MYRF: variants seen among roughly 807,000 people sequenced by gnomAD.
MYRF encodes the protein myelin gene regulatory factor.
MYRF carries 16 observed loss-of-function variants against 126.3 expected under a neutral mutation model. The ratio of observed to expected loss-of-function variants is 0.13; its 90% confidence interval spans 0.09 to 0.19. The LOEUF (loss-of-function observed/expected upper bound fraction) is 0.19. Ranked by LOEUF, MYRF falls within the 10% of genes least tolerant of loss-of-function variation. The pLI is 1.00. For missense variants in MYRF, 1,104 were observed against 1,547.0 expected (o/e 0.71, Z 4.80); for synonymous variants, 608 against 635.3 (o/e 0.96, Z 0.65).
intron 1 of MYRF, among the ~76,000 whole-genome samples, chr11:61,761,220 C>T (rs982640094): frequency 9.6e-5 from 13 of 135,942 alleles, no homozygotes; most frequent in Admixed American, 3.2e-4. Flanking sequence ...CCCCGTTCCC[C>T]GGGACAATGG....
chr11:61,770,140 T>A (rs1381304426), intron 4 of MYRF, 106 bp from the exon 5 acceptor site: 8 of 1,181,452 alleles, frequency 6.8e-6, no homozygotes, highest in Non-Finnish European at 9.1e-6. Flanking sequence ...CCCCCGGGCT[T>A]GGCTCAGGAC....
chr11:61,769,232 C>T, intron 3 of MYRF, 28 bp from the exon 4 acceptor site: 15 of 1,481,246 alleles, frequency 1.0e-5, no homozygotes, highest in Non-Finnish European at 1.4e-5. Context: ...GCTGCTCACC[C>T]CCCGGCCCCT....
Position 61,783,481 on chromosome 11 carries a change from T to G in MYRF, c.3017-17T>G, listed in dbSNP as rs1247179569. ...TCATTTGTGTCCTGCCTTGTCACCT[T>G]ACTCCTGCCCCAACAGCCTCTCTCC... is the stretch of plus-strand genomic sequence containing the variant. On this transcript the variant is annotated splice_polypyrimidine_tract_variant and intron_variant, in intron 22 of 26. Transcript: ENST00000278836. This position sits in a 1 kb window ranked among gnomAD's most constrained non-coding sequence, Gnocchi z 4.6. The G allele has an allele frequency of 6.2e-7, 1 of 1,604,770 alleles. No individual in the cohort carries two copies.
In MYRF at chr11:61,781,055, T is replaced by G; in HGVS notation, c.2572+10T>G. The G allele has an allele frequency of 6.2e-7, 1 of 1,609,936 alleles. No homozygotes were observed. ...CCCTCTTTGCTGCTGGGTGCGTGTC[T>G]GGGCAGGTCTGGGTAGGACAGGGAG... On this transcript the variant is annotated intron_variant, in intron 20 of 26. Transcript: ENST00000278836.
Position 61,752,730 on chromosome 11 carries a change from C to T in MYRF, c.-15C>T. ...AGCGGGGCCGCGGCTGGAGTGTGCG[C>T]CGGGCAGGCGGGACATGGAGGTGGT... On this transcript the variant is annotated 5_prime_UTR_variant, in exon 1 of 27. Coordinates refer to ENST00000278836, the MANE Select transcript of MYRF (RefSeq NM_001127392.3). 3 of 1,449,280 alleles carry T rather than the reference C, an allele frequency of 2.1e-6. No homozygotes were observed. The highest frequency in any genetic ancestry group is 2.7e-6 in the Non-Finnish European group (3 of 1,106,028). 89.8% of individuals were successfully genotyped at this position (1,449,280 alleles called of 1,614,324 possible).
intron 25 of MYRF, chr11:61,784,605 G>C: frequency 3.6e-6 from 2 of 550,612 alleles, no homozygotes; most frequent in Non-Finnish European, 6.5e-6. Context: ...GCCCTGCCGT[G>C]CTGGAGACGT....
At position 61,781,708 on chromosome 11, in the gene MYRF, G is replaced by C. The variant is rs780295176; in HGVS notation, c.2900G>C (p.Gly967Ala). The change falls in exon 22 of 27, where the codon GGG becomes GCG. Residue 967 changes from glycine (G) to alanine (A), a missense_variant. Physicochemically the swap from Gly to Ala is moderately conservative, Grantham distance 60. Coordinates refer to ENST00000278836, the MANE Select transcript of MYRF (RefSeq NM_001127392.3). ...GCCAGCCCTGCAGTCCCCTTCCCTG[G>C]GGGGCAGGGCAAAGCCAAGAACAGT... is the stretch of plus-strand genomic sequence containing the variant. ...PLASPAVPFP[G>A]GQGKAKNSPS... 1.5e-5 allele frequency: 24 copies of C among 1,613,358 alleles called. No homozygotes were observed. The African/African-American group carries it at 1.9e-4, about 13-fold the overall frequency.
chr11:61,779,316 A>G lies in MYRF; in HGVS notation c.2067A>G (p.Thr689=). 1 of 1,550,450 alleles carries G rather than the reference A, an allele frequency of 6.4e-7. No homozygotes were observed. The highest frequency in any genetic ancestry group is 1.7e-4 in the Middle Eastern group (1 of 5,992). ...VGAVKELCKL[T]DNLETRIDEL... Reference sequence around the variant, plus strand: ...CCGTGAAGGAGCTGTGCAAGCTGACAGACAACCTGGAGACGCGCATTGATG... The same window carrying G: ...CCGTGAAGGAGCTGTGCAAGCTGACGGACAACCTGGAGACGCGCATTGATG... The change falls in exon 15 of 27, where the codon ACA becomes ACG. Residue 689 remains threonine, a synonymous_variant. Transcript: ENST00000278836.
chr11:61,771,989 C>A (rs1214472866), intron 7 of MYRF, 37 bp downstream of exon 7: 1 of 1,610,674 alleles, frequency 6.2e-7, no homozygotes, highest in Admixed American at 1.7e-5. Flanking sequence ...CCTCCAGGCC[C>A]CCCCACCTTG....
chr11:61,764,709 C>G (rs981343069), intron 1 of MYRF, among the ~76,000 whole-genome samples: 1 of 152,176 alleles, frequency 6.6e-6, no homozygotes, highest in Non-Finnish European at 1.5e-5. Flanking sequence ...CAAGGTGACC[C>G]TGGGAGGGGA....
chr11:61,779,039 T>C, intron 14 of MYRF: 1 of 658,732 alleles, frequency 1.5e-6, no homozygotes, highest in Non-Finnish European at 2.8e-6. Flanking sequence ...ACAGCCCAGG[T>C]GAAGGTGCAG....
rs1057318608 is a variant in MYRF at position 61,786,991 on chromosome 11, C to A, written c.*848C>A. 5 of 152,694 alleles carry A rather than the reference C, an allele frequency of 3.3e-5. No individual in the cohort carries two copies. Among genetic ancestry groups the A allele is most frequent in the Non-Finnish European group, 7.3e-5 (5 of 68,052 alleles). The allele number at this position is 152,694 out of a possible 1,614,324, so 9.5% of individuals were successfully genotyped here. ...CCCAGATGGTATTGCAGCTTCACTGCCTGCGTTCCTGGGAGCGTCTGGAGC... is the reference window on the plus strand; with the variant it reads ...CCCAGATGGTATTGCAGCTTCACTGACTGCGTTCCTGGGAGCGTCTGGAGC... On this transcript the variant is annotated 3_prime_UTR_variant, in exon 27 of 27. Transcript: ENST00000278836. This position sits in a 1 kb window ranked among gnomAD's most constrained non-coding sequence, Gnocchi z 4.5.
At chr11:61,774,407 T>G (rs766884723) in intron 8 of MYRF, among the ~76,000 whole-genome samples, 2 of 151,522 alleles carry the variant, frequency 1.3e-5, no homozygotes, top group Non-Finnish European at 2.9e-5. Context: ...TAATCTCAGC[T>G]ACTTGGGAAG....
rs1299300154 is a variant in MYRF at position 61,755,277 on chromosome 11, A to G, written c.46+2487A>G. ...TGGGCTGGGGGCTAAGGCGCTTTGG[A>G]CCTCAGGTGGGAGGCCGGGACAGAG... On this transcript the variant is annotated intron_variant, in intron 1 of 26. Coordinates refer to ENST00000278836, the MANE Select transcript of MYRF (RefSeq NM_001127392.3). The G allele has an allele frequency of 7.3e-6, 9 of 1,234,958 alleles. No homozygotes were observed. In the East Asian group the frequency reaches 2.0e-4, roughly 28 times the overall value. The allele number at this position is 1,234,958 out of a possible 1,614,324, so 76.5% of individuals were successfully genotyped here.
rs567047983 is a variant in MYRF, at chr11:61,766,167, C to T, written c.344C>T (p.Pro115Leu). The change falls in exon 3 of 27, where the codon CCG becomes CTG. Residue 115 changes from proline (P) to leucine (L), a missense_variant. By Grantham distance (98) the Pro-to-Leu change is moderately conservative (BLOSUM62 -3). Transcript: ENST00000278836. ...NGMGAAPKPFPGGTGPPIKAE... is the reference protein window; with the variant it reads ...NGMGAAPKPFLGGTGPPIKAE... ...ATGGGCGCTGCCCCCAAGCCCTTCC[C>T]GGGGGGCACCGGGCCCCCCATCAAG... 5.1e-5 allele frequency: 83 copies of T among 1,611,772 alleles called. No homozygotes were observed. The highest frequency in any genetic ancestry group is 9.3e-5 in the African/African-American group (7 of 75,060).
At position 61,776,892 on chromosome 11, in the gene MYRF, C is replaced by T. The variant is rs758657510; in HGVS notation, c.1590+15C>T. On this transcript the variant is annotated intron_variant, in intron 11 of 26. Coordinates refer to ENST00000278836, the MANE Select transcript of MYRF (RefSeq NM_001127392.3). This position sits in a 1 kb window ranked among gnomAD's most constrained non-coding sequence, Gnocchi z 4.3. ...TCATTGTGCGGGTGAGGGCCACCTC[C>T]TCCCAGGGCGTAGACAGCCCTCCCC... The T allele has an allele frequency of 6.3e-7, 1 of 1,584,384 alleles. No homozygotes were observed. The highest frequency in any genetic ancestry group is 1.2e-5 in the South Asian group (1 of 86,802).
In MYRF at chr11:61,777,413, G is replaced by A. The variant is rs776423987; in HGVS notation, c.1740G>A (p.Met580Ile). 6.2e-7 allele frequency: 1 copy of A among 1,613,846 alleles called. No individual in the cohort carries two copies. The highest frequency in any genetic ancestry group is 1.7e-5 in the Admixed American group (1 of 60,006). ...TTGTGCACGGGAATGTCAAGGTCAT[G>A]GGCTCGCTTATGCACCCCTCCGACC... is the stretch of plus-strand genomic sequence containing the variant. The part of the protein sequence containing the change: ...ALVVHGNVKV[M>I]GSLMHPSDLR... Residue 580 changes from methionine to isoleucine, a missense_variant, in exon 12 of 27, where the codon ATG becomes ATA. By Grantham distance (10) the Met-to-Ile change is conservative (BLOSUM62 1). Around this residue, in one of 10 missense-constraint regions of MYRF, gnomAD observed 123 missense variants for 209.1 expected, o/e 0.59. Coordinates refer to ENST00000278836, the MANE Select transcript of MYRF (RefSeq NM_001127392.3). This position sits in a 1 kb window ranked among gnomAD's most constrained non-coding sequence, Gnocchi z 8.8.
At chr11:61,761,248 G>GC (rs1185305327) in intron 1 of MYRF, among the ~76,000 whole-genome samples, 1 of 124,322 alleles carries the variant, frequency 8.0e-6, no homozygotes, top group Admixed American at 9.0e-5. Flanking sequence ...TCAGCCAACG[G>GC]CCACAGCTGG....
At chr11:61,784,463 C>G in intron 25 of MYRF, 78 bp downstream of exon 25, 1 of 1,167,188 alleles carries the variant, frequency 8.6e-7, no homozygotes, top group South Asian at 1.3e-5. Flanking sequence ...CCAAAATGGG[C>G]AAGGAGCAGA....
Sources: gnomAD v4.1 joint callset for allele counts (sites outside exome capture counted in the v4.1 genomes callset) on GRCh38, gnomAD v4.1.1 for gene constraint, gnomAD v4.1.1 regional missense constraint, Gnocchi (gnomAD v3.1) non-coding constraint, MANE v1.5 for transcripts, NCBI Gene and HGNC (gene_info 2026-07-23, HGNC 2026-07-21) for gene names.